The following GATM variants were observed in gnomAD, a reference collection of about 807,000 sequenced individuals.
GATM encodes glycine amidinotransferase.
A neutral mutation model predicts 54.2 loss-of-function variants in GATM; 23 were observed. The ratio of observed to expected loss-of-function variants is 0.42; its 90% CI spans 0.31 to 0.60. The LOEUF is 0.60. Ranked by LOEUF, GATM falls within the 20% of genes least tolerant of loss-of-function variation. The probability of loss-of-function intolerance (pLI) is 0.14; values close to 1 mark genes in which losing one functional copy is unlikely to be tolerated. For missense variants in GATM, 401 were observed against 544.9 expected (o/e 0.74, Z 2.63); for synonymous variants, 168 against 183.1 (o/e 0.92, Z 0.67).
At chr15:45,363,627 A>C in intron 8 of GATM, 1 of 537,694 alleles carries the variant, frequency 1.9e-6, no homozygotes, top group South Asian at 2.4e-5. Context: ...GGTTTTCTGC[A>C]CATGGGCACC....
rs138162392 is a variant in GATM at position 45,375,746 on chromosome 15, A to G, written c.288+855T>C. On this transcript the variant is annotated intron_variant, in intron 2 of 8. Transcript: ENST00000396659. ...CAGATTGTGAAGGATCTTGAATACC[A>G]TGAAGACTTTATCCTAAACAATGCG... is the stretch of plus-strand genomic sequence containing the variant. Among the ~76,000 whole-genome samples, 1,386 of 151,238 alleles carry G rather than the reference A, an allele frequency of 9.2e-3. 13 individuals are homozygous for G. Among genetic ancestry groups the G allele is most frequent in the Non-Finnish European group, 0.016 (1,075 of 67,752 alleles).
At chr15:45,378,265 T>C in intron 1 of GATM, 120 bp downstream of exon 1, 1 of 742,972 alleles carries the variant, frequency 1.3e-6, no homozygotes, top group East Asian at 3.2e-5. Flanking sequence ...CTCGTGCAAT[T>C]CCGGCTAGGG....
chr15:45,364,524 G>C, intron 7 of GATM: 2 of 398,076 alleles, frequency 5.0e-6, no homozygotes, highest in Non-Finnish European at 9.2e-6. Flanking sequence ...GACAAAGCAA[G>C]ACACTGTCTC....
At position 45,368,151 on chromosome 15, in the gene GATM, T is replaced by C. The variant is rs1453743138; in HGVS notation, c.594A>G (p.Ser198=). The C allele has an allele frequency of 6.2e-7, 1 of 1,614,112 alleles. No homozygotes were observed. The highest frequency in any genetic ancestry group is 8.5e-7 in the Non-Finnish European group (1 of 1,180,028). The change falls in exon 4 of 9, where the codon TCA becomes TCG. Residue 198 remains serine, a synonymous_variant. Transcript: ENST00000396659. This position sits in a 1 kb window ranked among gnomAD's most constrained non-coding sequence, Gnocchi z 5.1. ...CACGGTGGAAGTAGTCTTTGATAAT[T>C]GACCTGTACGCTCGGTACTCAAAGA... The part of the protein sequence containing the change: ...SRFFEYRAYR[S]IIKDYFHRGA...
At chr15:45,375,694 G>C (rs1309198049) in intron 2 of GATM, among the ~76,000 whole-genome samples, 1 of 152,158 alleles carries the variant, frequency 6.6e-6, no homozygotes, top group Non-Finnish European at 1.5e-5. Context: ...AACTGGAATG[G>C]GGAATCCTGG....
exon 1 of GATM, chr15:45,402,120 G>T (rs3809472): frequency 0.31 from 122,373 of 395,098 alleles, 22,815 homozygotes; most frequent in East Asian, 0.85. Flanking sequence ...AACCACCAAA[G>T]TACATGCTTA....
At chr15:45,378,347 G>A (rs1370984153) in intron 1 of GATM, 38 bp downstream of exon 1, 9 of 1,483,698 alleles carry the variant, frequency 6.1e-6, no homozygotes, top group Non-Finnish European at 8.1e-6. Flanking sequence ...GATCGAGTGA[G>A]TCACGCGGCC....
intron 2 of GATM, among the ~76,000 whole-genome samples, chr15:45,399,098 A>G (rs1889968392): frequency 6.6e-6 from 1 of 152,200 alleles, no homozygotes; most frequent in Admixed American, 6.5e-5. Context: ...ATCTCACAAA[A>G]GATTTTGTTT....
intron 1 of GATM, chr15:45,399,647 T>C (rs1889974746): frequency 6.5e-6 from 1 of 152,678 alleles, no homozygotes; most frequent in Admixed American, 6.5e-5. Flanking sequence ...CGTAGTATTT[T>C]GTTACAGCAG....
intron 4 of GATM, among the ~76,000 whole-genome samples, chr15:45,367,757 C>T (rs1889472582): frequency 6.6e-6 from 1 of 152,058 alleles, no homozygotes; most frequent in Non-Finnish European, 1.5e-5. Context: ...AGTTTTTCCC[C>T]ATCTAATGGA....
rs763098805 is a variant in GATM, at chr15:45,366,169, A to G, written c.855T>C (p.Leu285=). 5 of 1,614,050 alleles carry G rather than the reference A, an allele frequency of 3.1e-6. No homozygotes were observed. The highest frequency in any genetic ancestry group is 3.4e-6 in the Non-Finnish European group (4 of 1,180,002). Residue 285 remains leucine (L), a synonymous_variant, in exon 6 of 9, where the codon CTT becomes CTC. Coordinates refer to ENST00000396659, the MANE Select transcript of GATM (RefSeq NM_001482.3). ...YLGIEWMRRH[L]APDYRVHIIS... ...TGATATGCACTCTGTAGTCTGGAGC[A>G]AGATGCCTACGCATCCATTCAATGC...
chr15:45,376,892 T>C (rs1179539268), intron 1 of GATM, 73 bp from the exon 2 acceptor site: 22 of 1,404,436 alleles, frequency 1.6e-5, no homozygotes, highest in Non-Finnish European at 2.2e-5. Context: ...GAAGTGGAGA[T>C]GGAGTAAAAA....
intron 4 of GATM, among the ~76,000 whole-genome samples, chr15:45,367,015 CCT>C (rs1453650109): frequency 3.3e-5 from 5 of 151,940 alleles, no homozygotes; most frequent in Admixed American, 2.0e-4. Context: ...GAACATATCC[CCT>C]GAGGATGAAG....
chr15:45,380,249 G>GA (rs35353298), upstream of GATM: 9,936 of 119,668 alleles, frequency 0.083, 1,265 homozygotes, highest in African/African-American at 0.27. Context: ...TCCATCTGGG[G>GA]AAAAAAAAAA....
chr15:45,383,950 T>C (rs1889774940), intron 3 of GATM, among the ~76,000 whole-genome samples: 1 of 152,234 alleles, frequency 6.6e-6, no homozygotes, highest in African/African-American at 2.4e-5. Flanking sequence ...CATTTAGTCA[T>C]CTATGAGGTA....
chr15:45,388,022 T>C (rs534882366), intron 3 of GATM, among the ~76,000 whole-genome samples: 3 of 152,188 alleles, frequency 2.0e-5, no homozygotes, highest in Non-Finnish European at 4.4e-5. Context: ...TATTAATTTT[T>C]AAAAAATTAA....
At chr15:45,401,241 G>A (rs1889999860) in intron 1 of GATM, among the ~76,000 whole-genome samples, 1 of 152,088 alleles carries the variant, frequency 6.6e-6, no homozygotes, top group Admixed American at 6.5e-5. Flanking sequence ...GAACTGGCAT[G>A]GGTCTTAAGA....
Position 45,369,409 on chromosome 15 carries a change from A to T in GATM, c.401T>A (p.Leu134Ter). The change falls in exon 3 of 9, where the codon TTA becomes TAA. Residue 134 changes from leucine to a stop codon, truncating the protein, a stop_gained. Coordinates refer to ENST00000396659, the MANE Select transcript of GATM (RefSeq NM_001482.3). LOFTEE classifies it high-confidence loss of function. ...VAEIEEMCNI[L>*]KTEGVTVRRP... ...CCTTACTGTCACTCCTTCCGTTTTTAAAATATTGCACATTTCTTCAATTTC... is the reference window on the plus strand; with the variant it reads ...CCTTACTGTCACTCCTTCCGTTTTTTAAATATTGCACATTTCTTCAATTTC... 2 of 1,614,176 alleles carry T rather than the reference A, an allele frequency of 1.2e-6. No homozygotes were observed. Among genetic ancestry groups the T allele is most frequent in the Non-Finnish European group, 1.7e-6 (2 of 1,180,008 alleles).
In GATM at chr15:45,366,159, A is replaced by C; in HGVS notation, c.865T>G (p.Tyr289Asp). Reference protein sequence around the residue: ...EWMRRHLAPDYRVHIISFKDP... With the variant: ...EWMRRHLAPDDRVHIISFKDP... ...TTAAAGGAGATGATATGCACTCTGT[A>C]GTCTGGAGCAAGATGCCTACGCATC... Residue 289 changes from tyrosine to aspartate, a missense_variant, in exon 6 of 9, where the codon TAC (tyrosine) becomes GAC (aspartate). Transcript: ENST00000396659. The C allele has an allele frequency of 6.2e-7, 1 of 1,614,120 alleles. No homozygotes were observed. The highest frequency in any genetic ancestry group is 8.5e-7 in the Non-Finnish European group (1 of 1,179,944).
Sources: allele counts gnomAD v4.1 joint callset (sites outside exome capture counted in the v4.1 genomes callset), GRCh38; gene constraint gnomAD v4.1.1; non-coding constraint Gnocchi (gnomAD v3.1); transcripts MANE v1.5; gene names NCBI Gene and HGNC (gene_info 2026-07-23, HGNC 2026-07-21).